SAMD5: variants seen among roughly 807,000 people sequenced by gnomAD.
SAMD5 encodes sterile alpha motif domain containing 5, also known as sterile alpha motif domain-containing protein 5.
A neutral mutation model predicts 11.3 loss-of-function variants in SAMD5; 13 were observed. That is an observed-to-expected ratio of 1.15 (90% CI 0.75 to 1.83). SAMD5 has a LOEUF of 1.83. Ranked by LOEUF, SAMD5 falls within the 40% of genes most tolerant of loss-of-function variation. The pLI is 0.00. For synonymous variants in SAMD5, 129 were observed against 111.3 expected (o/e 1.16, Z -1.00); for missense variants, 255 against 239.1 (o/e 1.07, Z -0.44).
chr6:147,721,473 G>C (rs146909464), intron 1 of SAMD5, among the ~76,000 whole-genome samples: 6,027 of 152,242 alleles, frequency 0.04, 164 homozygotes, highest in African/African-American at 0.073. Flanking sequence ...TTTTTCATGT[G>C]TTTTTTGACT....
At chr6:147,671,523 A>G (rs747718012) in intron 1 of SAMD5, among the ~76,000 whole-genome samples, 2 of 152,368 alleles carry the variant, frequency 1.3e-5, no homozygotes, top group Non-Finnish European at 2.9e-5. Context: ...CACTTTTAAC[A>G]TACAGAGTTT....
chr6:147,642,195 TTC>T (rs1790322197), intron 1 of SAMD5, among the ~76,000 whole-genome samples: 2 of 152,350 alleles, frequency 1.3e-5, no homozygotes, highest in East Asian at 1.9e-4. Flanking sequence ...TTGTGATTAT[TTC>T]TCTGTTTTAA....
At chr6:147,626,810 A>G (rs1271218479) in intron 1 of SAMD5, among the ~76,000 whole-genome samples, 4 of 145,460 alleles carry the variant, frequency 2.7e-5, no homozygotes, top group African/African-American at 1.0e-4. Flanking sequence ...AAAAAAAAAA[A>G]AAAAAAAGAA....
Position 147,674,766 on chromosome 6 carries a change from T to TA in SAMD5, c.163-62545dup, listed in dbSNP as rs576967435. Among the ~76,000 whole-genome samples, 36 of 152,264 alleles carry TA rather than the reference T, an allele frequency of 2.4e-4. No homozygotes were observed. The East Asian group carries it at 6.8e-3, about 29-fold the overall frequency. On this transcript the variant is annotated intron_variant, in intron 1 of 1. Coordinates refer to the SAMD5 transcript ENST00000566741. ...TCTGTGAATGAGTTACCTGCACTAT[T>TA]AAAAAAGATGTAAATCCAAGAATCT...
the SAMD5 span, among the ~76,000 whole-genome samples, chr6:147,750,924 A>G: frequency 1.7e-4 from 26 of 152,166 alleles, no homozygotes; most frequent in Non-Finnish European, 3.7e-4. Context: ...CCATCTCAAA[A>G]TGAACAAACA....
chr6:147,551,440 C>A (rs889716505), intron 1 of SAMD5, among the ~76,000 whole-genome samples: 1 of 152,036 alleles, frequency 6.6e-6, no homozygotes, highest in Admixed American at 6.6e-5. Context: ...TAATTAAGTT[C>A]TTGATTGTGA....
the SAMD5 span, among the ~76,000 whole-genome samples, chr6:147,888,204 G>T: frequency 6.6e-6 from 1 of 151,962 alleles, no homozygotes; most frequent in African/African-American, 2.4e-5. Flanking sequence ...TTGGCATTTT[G>T]TCTAGGAAAA....
intron 1 of SAMD5, among the ~76,000 whole-genome samples, chr6:147,708,211 C>T (rs1562356908): frequency 6.6e-6 from 1 of 152,224 alleles, no homozygotes; most frequent in South Asian, 2.1e-4. Flanking sequence ...TGACTCATGT[C>T]CTCAGAAGAA....
At chr6:147,887,103 G>A in the SAMD5 span, among the ~76,000 whole-genome samples, 1 of 152,224 alleles carries the variant, frequency 6.6e-6, no homozygotes, top group African/African-American at 2.4e-5. Context: ...AAAAATTGCA[G>A]CAATAGATAA....
At chr6:147,638,185 C>T (rs1039013442) in intron 1 of SAMD5, among the ~76,000 whole-genome samples, 3 of 152,078 alleles carry the variant, frequency 2.0e-5, no homozygotes. Context: ...ATTTTCGATG[C>T]TATTTTTAAA....
At chr6:147,829,117 T>G in the SAMD5 span, among the ~76,000 whole-genome samples, 1 of 152,214 alleles carries the variant, frequency 6.6e-6, no homozygotes, top group African/African-American at 2.4e-5. Context: ...GAGAGGTAAG[T>G]TTAGGCCAAA....
intron 1 of SAMD5, among the ~76,000 whole-genome samples, chr6:147,543,329 G>A (rs1302138060): frequency 6.6e-6 from 1 of 152,178 alleles, no homozygotes; most frequent in Non-Finnish European, 1.5e-5. Flanking sequence ...CATTTTGTTA[G>A]ATCTCTCATT....
chr6:147,856,685 A>T, the SAMD5 span, among the ~76,000 whole-genome samples: 3 of 152,158 alleles, frequency 2.0e-5, no homozygotes, highest in Non-Finnish European at 4.4e-5. Context: ...CGCTGAGCCA[A>T]AGGATCCAAA....
the SAMD5 span, among the ~76,000 whole-genome samples, chr6:147,793,587 A>G: frequency 4.6e-5 from 7 of 152,208 alleles, no homozygotes; most frequent in Non-Finnish European, 1.0e-4. Context: ...TTTTCAAACA[A>G]CTGGGTATTA....
At chr6:147,949,820 A>C in the SAMD5 span, among the ~76,000 whole-genome samples, 1 of 152,214 alleles carries the variant, frequency 6.6e-6, no homozygotes, top group Non-Finnish European at 1.5e-5. Context: ...CCTCAACATT[A>C]AATTTTTAAT....
At chr6:147,788,820 A>G in the SAMD5 span, among the ~76,000 whole-genome samples, 1 of 152,202 alleles carries the variant, frequency 6.6e-6, no homozygotes. Context: ...GCGGTGGCTC[A>G]TGCTTGTAAT....
the SAMD5 span, among the ~76,000 whole-genome samples, chr6:147,882,814 G>A: frequency 6.6e-6 from 1 of 152,170 alleles, no homozygotes; most frequent in Non-Finnish European, 1.5e-5. Context: ...GTTTTGCCCT[G>A]TTATTAGGAA....
rs553880116 is a variant in SAMD5 at position 147,566,593 on chromosome 6, T to C, written c.*2137T>C. The C allele has an allele frequency of 4.1e-6, 4 of 980,200 alleles. No homozygotes were observed. The African/African-American group carries it at 7.0e-5, about 17-fold the overall frequency. The allele number at this position is 980,200 out of a possible 1,614,324, so 60.7% of individuals were successfully genotyped here. On this transcript the variant is annotated 3_prime_UTR_variant, in exon 2 of 2. Transcript: ENST00000367474. ...CTTGGTCATTTCAAGTTTTATTTTC[T>C]ATTAGAGTAATATCTAACTTCAATT...
chr6:147,928,965 T>A, the SAMD5 span, among the ~76,000 whole-genome samples: 1 of 145,766 alleles, frequency 6.9e-6, no homozygotes, highest in South Asian at 2.2e-4. Context: ...CATATAATTA[T>A]GTGGTTTTGA....
Sources: gnomAD v4.1 joint callset for allele counts (sites outside exome capture counted in the v4.1 genomes callset) on GRCh38, gnomAD v4.1.1 for gene constraint, MANE v1.5 for transcripts, NCBI Gene and HGNC (gene_info 2026-07-23, HGNC 2026-07-21) for gene names.